The following RBM25 variants were observed in gnomAD, a reference collection of about 807,000 sequenced individuals.
RBM25 encodes the protein RNA-binding protein 25.
RBM25 carries 19 observed loss-of-function variants against 120.7 expected under a neutral mutation model. The observed-to-expected ratio is 0.16, with a 90% CI of 0.11 to 0.23. The LOEUF (loss-of-function observed/expected upper bound fraction) is 0.23, where lower values mean the gene tolerates loss of function less well. RBM25 is among the 10% of genes least tolerant of loss of function. The pLI, the probability that RBM25 is intolerant of heterozygous loss-of-function variation, is 1.00. For missense variants in RBM25, 605 were observed against 1,041.5 expected (o/e 0.58, Z 5.77); for synonymous variants, 390 against 326.7 (o/e 1.19, Z -2.09).
chr14:73,083,372 G>A, intron 4 of RBM25, 122 bp from the exon 5 acceptor site: 3 of 711,546 alleles, frequency 4.2e-6, no homozygotes, highest in Admixed American at 4.0e-5. Context: ...TTTCGCAAAT[G>A]TAGTTGCTGG....
At chr14:73,063,069 G>A (rs1895042140) in intron 1 of RBM25, among the ~76,000 whole-genome samples, 1 of 151,282 alleles carries the variant, frequency 6.6e-6, no homozygotes, top group Non-Finnish European at 1.5e-5. Flanking sequence ...TGATCTGCAT[G>A]CCTTGGCCTC....
At chr14:73,067,064 A>G (rs978204307) in intron 1 of RBM25, among the ~76,000 whole-genome samples, 1 of 143,158 alleles carries the variant, frequency 7.0e-6, no homozygotes, top group African/African-American at 2.5e-5. Flanking sequence ...TTGGATACAT[A>G]TAATTTTTTT....
At chr14:73,103,158 A>C (rs769532769) in intron 9 of RBM25, 34 bp from the exon 10 acceptor site, 2 of 1,591,288 alleles carry the variant, frequency 1.3e-6, no homozygotes, top group Non-Finnish European at 1.7e-6. Flanking sequence ...GGAGCTACAG[A>C]GTTAACTCTA....
chr14:73,093,955 T>TTG (rs1555345323), intron 6 of RBM25, among the ~76,000 whole-genome samples: 1 of 148,096 alleles, frequency 6.8e-6, no homozygotes, highest in African/African-American at 2.5e-5. Context: ...TTTGTTTTTT[T>TTG]TTTTTTTTTT....
chr14:73,113,049 G>A (rs770534446), intron 17 of RBM25, among the ~76,000 whole-genome samples: 4 of 151,796 alleles, frequency 2.6e-5, no homozygotes, highest in Non-Finnish European at 4.4e-5. Flanking sequence ...TTGTTACATA[G>A]GAGTACATGT....
At chr14:73,112,124 A>G (rs1594935601) in intron 16 of RBM25, 28 bp from the exon 17 acceptor site, 13 of 1,553,848 alleles carry the variant, frequency 8.4e-6, no homozygotes, top group African/African-American at 6.9e-5. Flanking sequence ...ACAATTCTTT[A>G]ATTCAGTAAC....
At chr14:73,109,561 A>G in intron 14 of RBM25, 69 bp downstream of exon 14, 1 of 1,448,242 alleles carries the variant, frequency 6.9e-7, no homozygotes, top group Non-Finnish European at 9.4e-7. Flanking sequence ...TGGGAGGCCG[A>G]GGCGGGCGGA....
At chr14:73,065,193 G>C (rs1056574559) in intron 1 of RBM25, 1 of 151,500 alleles carries the variant, frequency 6.6e-6, no homozygotes, top group Non-Finnish European at 1.5e-5. Context: ...GCAGTGGCGC[G>C]ATCTCGGCTC....
chr14:73,099,618 G>C (rs770181749), intron 8 of RBM25, 49 bp from the exon 9 acceptor site: 96 of 1,588,222 alleles, frequency 6.0e-5, no homozygotes, highest in Non-Finnish European at 6.0e-5. Flanking sequence ...TGTTTATATT[G>C]AAGTAGGGTG....
At chr14:73,072,216 C>T (rs1895310982) in intron 2 of RBM25, among the ~76,000 whole-genome samples, 1 of 152,026 alleles carries the variant, frequency 6.6e-6, no homozygotes, top group Non-Finnish European at 1.5e-5. Context: ...AAATGATCTG[C>T]CGGCCTCCGG....
At chr14:73,094,312 T>A (rs1035322010) in intron 6 of RBM25, among the ~76,000 whole-genome samples, 2 of 152,024 alleles carry the variant, frequency 1.3e-5, no homozygotes, top group African/African-American at 4.8e-5. Context: ...CAGTTAAGAT[T>A]TTTGGGTTAA....
intron 1 of RBM25, among the ~76,000 whole-genome samples, chr14:73,067,474 C>T (rs559780896): frequency 2.0e-5 from 3 of 151,176 alleles, no homozygotes; most frequent in Admixed American, 6.6e-5. Context: ...GGCTTGATCT[C>T]GGGTCACTGC....
At chr14:73,067,498 C>T (rs770123873) in intron 1 of RBM25, among the ~76,000 whole-genome samples, 16 of 152,032 alleles carry the variant, frequency 1.1e-4, no homozygotes, top group African/African-American at 3.6e-4. Context: ...CTCCACCTCC[C>T]GGGTTCAAGC....
chr14:73,097,203 T>C lies in RBM25; in HGVS notation c.729+103T>C, dbSNP rs868816713. 8.2e-4 allele frequency: 605 copies of C among 738,178 alleles called. 8 individuals carry two copies. The highest frequency in any genetic ancestry group is 4.8e-3 in the East Asian group (129 of 26,992). The allele number at this position is 738,178 out of a possible 1,614,324, so 45.7% of individuals were successfully genotyped here. A position where few individuals can be genotyped will look rare whatever the true frequency, so the allele number is the denominator to read the frequency against. On this transcript the variant is annotated intron_variant, in intron 7 of 18. Coordinates refer to ENST00000261973, the MANE Select transcript of RBM25 (RefSeq NM_021239.3). ...AGTTTTCTTTTTTCTTTTCTTTTTTTTTTTTTTTTTTTTTTGAGATGGAGG... is the reference window on the plus strand; with the variant it reads ...AGTTTTCTTTTTTCTTTTCTTTTTTCTTTTTTTTTTTTTTTGAGATGGAGG...
chr14:73,077,408 G>A lies in RBM25; in HGVS notation c.196G>A (p.Gly66Ser). The change falls in exon 4 of 19, where the codon GGC (glycine) becomes AGC (serine). Residue 66 changes from glycine (G) to serine (S), a missense_variant. Physicochemically the swap from Gly to Ser is moderately conservative, Grantham distance 56 (BLOSUM62 0). This residue lies in a region of RBM25 where 90 missense variants were observed against 107.3 expected (regional missense o/e 0.84). Transcript: ENST00000261973. The part of the protein sequence containing the change: ...PTVSMVGKHL[G>S]ARKDHPGLKA... ...TGTGTCTATGGTTGGAAAGCATTTG[G>A]GCGCAAGAAAGGATCATCCAGGCTT... is the stretch of plus-strand genomic sequence containing the variant. 1.9e-6 allele frequency: 3 copies of A among 1,613,678 alleles called. No homozygotes were observed. Among genetic ancestry groups the A allele is most frequent in the Non-Finnish European group, 2.5e-6 (3 of 1,179,744 alleles).
At position 73,090,571 on chromosome 14, in the gene RBM25, T is replaced by A. The variant is rs1266511184; in HGVS notation, c.543+2410T>A. ...TTGATTCATACAGACTTTATCAGCC[T>A]GCCCTTAGTTTCTGTCAGACAGAAT... On this transcript the variant is annotated intron_variant, in intron 6 of 18. Transcript: ENST00000261973. Among the ~76,000 whole-genome samples the A allele has an allele frequency of 2.0e-5, 3 of 152,242 alleles. No individual in the cohort carries two copies. In the East Asian group the frequency reaches 5.8e-4, roughly 29 times the overall value.
chr14:73,063,155 G>A (rs1204244257), intron 1 of RBM25, among the ~76,000 whole-genome samples: 2 of 149,382 alleles, frequency 1.3e-5, no homozygotes, highest in African/African-American at 4.9e-5. Flanking sequence ...GGGCTATAGA[G>A]TTTCTTTTTT....
At chr14:73,084,615 C>T (rs1005514076) in intron 5 of RBM25, among the ~76,000 whole-genome samples, 11 of 150,688 alleles carry the variant, frequency 7.3e-5, no homozygotes, top group Middle Eastern at 3.4e-3. Context: ...TGCAGTGGTG[C>T]GATCTTGGCT....
chr14:73,091,499 C>T (rs1895812706), intron 6 of RBM25, among the ~76,000 whole-genome samples: 1 of 152,186 alleles, frequency 6.6e-6, no homozygotes, highest in Non-Finnish European at 1.5e-5. Flanking sequence ...CAGGCAGGAG[C>T]CACTGTGTCC....
Sources: gnomAD v4.1 joint callset for allele counts (sites outside exome capture counted in the v4.1 genomes callset) on GRCh38, gnomAD v4.1.1 for gene constraint, gnomAD v4.1.1 regional missense constraint, MANE v1.5 for transcripts, NCBI Gene and HGNC (gene_info 2026-07-23, HGNC 2026-07-21) for gene names.